Variants in TTC39B observed in about 807,000 individuals in gnomAD.
The protein encoded by TTC39B is tetratricopeptide repeat protein 39B.
Under a neutral mutation model 96.6 loss-of-function variants are expected in TTC39B, and 92 were observed. The ratio of observed to expected loss-of-function variants is 0.95; its 90% CI spans 0.80 to 1.13. The LOEUF is 1.13. Ranked by LOEUF, TTC39B falls within the 50% of genes most tolerant of loss-of-function variation. TTC39B has a pLI of 0.00. For synonymous variants in TTC39B, 367 were observed against 299.4 expected (o/e 1.23, Z -2.33); for missense variants, 955 against 809.3 (o/e 1.18, Z -2.18).
At chr9:15,214,397 G>T in intron 3 of TTC39B, 148 bp from the exon 4 acceptor site, 1 of 611,970 alleles carries the variant, frequency 1.6e-6, no homozygotes, top group African/African-American at 1.9e-5. Context: ...CTGGAGACAG[G>T]ACAGGCTGGT....
intron 8 of TTC39B, 22 bp downstream of exon 8, chr9:15,199,839 C>G: frequency 7.5e-7 from 1 of 1,331,194 alleles, no homozygotes; most frequent in South Asian, 1.2e-5. Context: ...ATTTACAAAC[C>G]ACATCTTACT....
chr9:15,260,830 C>G (rs1381431893), intron 2 of TTC39B, among the ~76,000 whole-genome samples: 1 of 151,218 alleles, frequency 6.6e-6, no homozygotes, highest in Non-Finnish European at 1.5e-5. Context: ...CTAAAAAAAT[C>G]TGCCTATTTC....
At chr9:15,259,669 C>CCATGGAAAATGG (rs1211830248) in intron 2 of TTC39B, among the ~76,000 whole-genome samples, 6 of 152,156 alleles carry the variant, frequency 3.9e-5, no homozygotes, top group Non-Finnish European at 7.4e-5. Flanking sequence ...GATGGTTCAA[C>CCATGGAAAATGG]TTGCAATTTT....
At chr9:15,303,378 ATTT>A (rs759714390) in intron 1 of TTC39B, among the ~76,000 whole-genome samples, 1 of 141,778 alleles carries the variant, frequency 7.1e-6, no homozygotes. Context: ...CTGAAAAGTG[ATTT>A]TTTTTTTTTT....
intron 1 of TTC39B, among the ~76,000 whole-genome samples, chr9:15,302,569 TGCAGTGGCTCACACCTGTAATCCCA>T (rs1824632786): frequency 3.2e-5 from 3 of 93,348 alleles, no homozygotes; most frequent in Non-Finnish European, 4.3e-5. Flanking sequence ...AAAAAGCCGG[TGCAGTGGCTCACACCTGTAATCCCA>T]GCACTTTGAG....
At chr9:15,191,107 T>G in intron 10 of TTC39B, 83 bp downstream of exon 10, 1 of 922,276 alleles carries the variant, frequency 1.1e-6, no homozygotes, top group Non-Finnish European at 1.7e-6. Flanking sequence ...AAGGTAGTTA[T>G]GCAGACATGT....
intron 6 of TTC39B, 104 bp downstream of exon 6, chr9:15,209,984 A>C (rs1820099924): frequency 1.2e-6 from 1 of 840,698 alleles, no homozygotes; most frequent in African/African-American, 1.7e-5. Flanking sequence ...AGGGAAGAGA[A>C]AAAGACATTC....
chr9:15,209,336 G>A (rs1248822321), intron 6 of TTC39B, among the ~76,000 whole-genome samples: 1 of 151,994 alleles, frequency 6.6e-6, no homozygotes, highest in Non-Finnish European at 1.5e-5. Context: ...ATCTGATCAG[G>A]GTGCCGCAGC....
At chr9:15,256,952 G>A (rs1230000164) in intron 2 of TTC39B, among the ~76,000 whole-genome samples, 5 of 152,168 alleles carry the variant, frequency 3.3e-5, no homozygotes, top group African/African-American at 1.2e-4. Context: ...TAAGCAAGCA[G>A]TGACATCATC....
exon 20 of TTC39B, chr9:15,171,557 T>C (rs1365272523): frequency 6.5e-6 from 1 of 153,422 alleles, no homozygotes; most frequent in Non-Finnish European, 1.5e-5. Flanking sequence ...AGGTCACTGT[T>C]AAGCTATTTT....
At chr9:15,229,839 T>C (rs1821326537) in intron 2 of TTC39B, among the ~76,000 whole-genome samples, 1 of 152,200 alleles carries the variant, frequency 6.6e-6, no homozygotes, top group Non-Finnish European at 1.5e-5. Context: ...TTAAACACTC[T>C]TTTTGTGGGG....
chr9:15,268,389 C>A (rs956436993), intron 1 of TTC39B, among the ~76,000 whole-genome samples: 3 of 152,158 alleles, frequency 2.0e-5, no homozygotes, highest in Non-Finnish European at 4.4e-5. Context: ...CGTCTCCCTG[C>A]CACCAGCCTT....
intron 8 of TTC39B, among the ~76,000 whole-genome samples, chr9:15,193,780 TAG>T (rs1428567656): frequency 6.6e-6 from 1 of 152,238 alleles, no homozygotes; most frequent in Non-Finnish European, 1.5e-5. Flanking sequence ...ATTTTTGCCA[TAG>T]AGTCATAATC....
chr9:15,262,292 T>C (rs1822974477), intron 2 of TTC39B, among the ~76,000 whole-genome samples: 1 of 152,014 alleles, frequency 6.6e-6, no homozygotes, highest in Non-Finnish European at 1.5e-5. Context: ...ACAGATGGGG[T>C]TTTGGTATGT....
chr9:15,199,821 A>C, intron 8 of TTC39B, 40 bp downstream of exon 8: 1 of 1,193,546 alleles, frequency 8.4e-7, no homozygotes, highest in Non-Finnish European at 1.2e-6. Flanking sequence ...AGTACACAGC[A>C]CAAAATTATT....
chr9:15,253,408 T>C (rs1236083828), intron 2 of TTC39B, among the ~76,000 whole-genome samples: 1 of 152,160 alleles, frequency 6.6e-6, no homozygotes, highest in African/African-American at 2.4e-5. Context: ...GGAATGTAGC[T>C]CTAGATACTG....
chr9:15,227,726 G>A (rs975844061), intron 2 of TTC39B, among the ~76,000 whole-genome samples: 2 of 152,156 alleles, frequency 1.3e-5, no homozygotes, highest in African/African-American at 4.8e-5. Flanking sequence ...TTGCCCATCT[G>A]TTCATTTACA....
intron 1 of TTC39B, 63 bp downstream of exon 1, chr9:15,307,021 T>C (rs1157565482): frequency 1.8e-5 from 28 of 1,576,706 alleles, no homozygotes; most frequent in African/African-American, 5.4e-5. Flanking sequence ...GGGCTCACTC[T>C]TCTCTCCCGG....
intron 2 of TTC39B, among the ~76,000 whole-genome samples, chr9:15,237,442 A>G (rs1821836872): frequency 6.6e-6 from 1 of 152,186 alleles, no homozygotes. Context: ...AAAAATGATA[A>G]AGGTGATATT....
Sources: gnomAD v4.1 joint callset for allele counts (sites outside exome capture counted in the v4.1 genomes callset) on GRCh38, gnomAD v4.1.1 for gene constraint, MANE v1.5 for transcripts, NCBI Gene and HGNC (gene_info 2026-07-23, HGNC 2026-07-21) for gene names.